The following TNN variants were observed in gnomAD, a reference collection of about 807,000 sequenced individuals.
The protein encoded by TNN is tenascin N.
A neutral mutation model predicts 134.4 loss-of-function variants in TNN; 122 were observed. That is an observed-to-expected ratio of 0.91 (90% CI 0.78 to 1.06). The LOEUF (loss-of-function observed/expected upper bound fraction) is 1.06. Ranked by LOEUF, TNN falls within the 50% of genes least tolerant of loss-of-function variation. The probability of loss-of-function intolerance (pLI) is 0.00; values close to 1 mark genes in which losing one functional copy is unlikely to be tolerated. For missense variants in TNN, 1,739 were observed against 1,699.4 expected, an observed-to-expected ratio of 1.02 and a Z score of -0.41; for synonymous variants, 710 against 670.3, an observed-to-expected ratio of 1.06 and a Z score of -0.91.
At chr1:175,084,408 C>T (rs1211448860) in intron 5 of TNN, among the ~76,000 whole-genome samples, 1 of 152,088 alleles carries the variant, frequency 6.6e-6, no homozygotes, top group Non-Finnish European at 1.5e-5. Context: ...AGGGGTGGCT[C>T]TCTGTCTCTG....
intron 9 of TNN, among the ~76,000 whole-genome samples, chr1:175,102,206 C>T (rs187777206): frequency 2.1e-4 from 30 of 145,980 alleles, no homozygotes; most frequent in African/African-American, 7.4e-4. Context: ...CTCTCCACGT[C>T]CCCACCAGAC....
At chr1:175,102,063 G>A (rs1674737272) in intron 9 of TNN, among the ~76,000 whole-genome samples, 2 of 145,276 alleles carry the variant, frequency 1.4e-5, no homozygotes, top group Admixed American at 1.4e-4. Context: ...CAATCCCTGA[G>A]CTAGACATAA....
chr1:175,098,623 G>A (rs373682344), intron 9 of TNN, 28 bp downstream of exon 9: 68 of 1,613,400 alleles, frequency 4.2e-5, no homozygotes, highest in Middle Eastern at 3.3e-4. Flanking sequence ...TTGCTGTGCC[G>A]ATGCCATGCT....
chr1:175,082,124 A>T (rs1023684539), intron 4 of TNN, among the ~76,000 whole-genome samples: 6 of 152,194 alleles, frequency 3.9e-5, no homozygotes, highest in Non-Finnish European at 8.8e-5. Flanking sequence ...AGCCAGGCCC[A>T]TTCTGGCTGG....
intron 12 of TNN, 83 bp from the exon 13 acceptor site, chr1:175,126,872 G>A (rs1675541607): frequency 6.8e-7 from 1 of 1,471,226 alleles, no homozygotes; most frequent in Non-Finnish European, 9.2e-7. Flanking sequence ...TTTGAAAAGG[G>A]GAAAATATAA....
At position 175,136,849 on chromosome 1, in the gene TNN, C is replaced by T. The variant is rs144928544; in HGVS notation, c.3456C>T (p.Thr1152=). 1,237 of 1,613,926 alleles carry T rather than the reference C, an allele frequency of 7.7e-4. 11 individuals are homozygous for T. In the African/African-American group the frequency reaches 0.013, roughly 17 times the overall value. ...LGLDKLHNLT[T]GTPARYEVRV... is the part of the protein sequence containing the mutation. ...TTGACAAGCTACACAACCTCACCAC[C>T]GGCACTCCAGCGCGGTATGAGGTGA... The change falls in exon 17 of 19, where the codon ACC becomes ACT. Residue 1152 remains threonine (T), a synonymous_variant. Transcript: ENST00000239462.
chr1:175,092,715 C>A (rs1674480957), intron 6 of TNN, among the ~76,000 whole-genome samples: 1 of 152,312 alleles, frequency 6.6e-6, no homozygotes, highest in Middle Eastern at 3.4e-3. Flanking sequence ...TCCTCTTCCT[C>A]TCCCCACTCC....
rs371661500 is a variant in TNN at position 175,128,103 on chromosome 1, C to G, written c.3117C>G (p.Val1039=). The G allele has an allele frequency of 1.2e-5, 19 of 1,613,856 alleles. No homozygotes were observed. Among genetic ancestry groups the G allele is most frequent in the Non-Finnish European group, 1.6e-5 (19 of 1,179,904 alleles). ...QGLEQGATYP[V]SLVAFKGGRR... ...TTGAGCAAGGCGCCACCTACCCTGTCTCCCTTGTTGCCTTTAAGGGTGGTC... is the reference window on the plus strand; with the variant it reads ...TTGAGCAAGGCGCCACCTACCCTGTGTCCCTTGTTGCCTTTAAGGGTGGTC... The change falls in exon 14 of 19, where the codon GTC becomes GTG. Residue 1039 remains valine (V), a synonymous_variant. Coordinates refer to ENST00000239462, the MANE Select transcript of TNN (RefSeq NM_022093.2).
At chr1:175,134,705 G>A (rs1675754563) in intron 15 of TNN, among the ~76,000 whole-genome samples, 1 of 152,050 alleles carries the variant, frequency 6.6e-6, no homozygotes, top group Non-Finnish European at 1.5e-5. Flanking sequence ...TCCTCTTTCA[G>A]TTCCACATTC....
chr1:175,068,231 A>G (rs971246254), intron 1 of TNN, among the ~76,000 whole-genome samples: 3 of 152,010 alleles, frequency 2.0e-5, no homozygotes, highest in African/African-American at 7.3e-5. Context: ...GGCGTAACAC[A>G]TTTTTGTATA....
At chr1:175,077,977 T>G (rs1674090732) in intron 2 of TNN, 150 bp downstream of exon 2, 1 of 783,218 alleles carries the variant, frequency 1.3e-6, no homozygotes, top group African/African-American at 1.7e-5. Context: ...TCCCTGCTAT[T>G]TATTCATTTA....
At position 175,136,941 on chromosome 1, in the gene TNN, G is replaced by A. The variant is rs1407403021; in HGVS notation, c.3548G>A (p.Ser1183Asn). ...AIYDFFQVAS[S>N]KERYKLTVGK... ...TATGATTTCTTCCAAGTGGCCTCCA[G>A]CAAGGAGCGGTATAAGCTGACAGTT... Residue 1183 changes from serine to asparagine, a missense_variant, in exon 17 of 19, where the codon AGC becomes AAC. By Grantham distance (46) the Ser-to-Asn change is conservative. Transcript: ENST00000239462. 1.9e-6 allele frequency: 3 copies of A among 1,614,204 alleles called. No individual in the cohort carries two copies. The highest frequency in any genetic ancestry group is 2.2e-5 in the East Asian group (1 of 44,890).
chr1:175,102,166 T>C (rs1407610852), intron 9 of TNN, among the ~76,000 whole-genome samples: 2 of 145,516 alleles, frequency 1.4e-5, no homozygotes, highest in African/African-American at 4.9e-5. Context: ...CTGATTGGTG[T>C]GTTTACAATC....
rs748454325 is a variant in TNN, at chr1:175,080,183, C to T, written c.805C>T (p.Gln269Ter). Residue 269 changes from glutamine to a stop codon, truncating the protein, a stop_gained, in exon 4 of 19, where the codon CAG becomes TAG. Coordinates refer to ENST00000239462, the MANE Select transcript of TNN (RefSeq NM_022093.2). LOFTEE classifies it high-confidence loss of function. Reference protein sequence around the residue: ...CAQVVTPQGLQLLKNTEDSLL... With the variant: ...CAQVVTPQGL ...TGCAGTGGTCACCCCACAGGGCCTG[C>T]AGCTGCTCAAGAACACGGAGGATTC... 3.0e-5 allele frequency: 48 copies of T among 1,613,974 alleles called. No individual in the cohort carries two copies. Among genetic ancestry groups the T allele is most frequent in the Middle Eastern group, 1.7e-4 (1 of 6,002 alleles).
rs187052362 is a variant in TNN at position 175,125,517 on chromosome 1, T to A, written c.2915-1438T>A. Among the ~76,000 whole-genome samples, 30 of 151,618 alleles carry A rather than the reference T, an allele frequency of 2.0e-4. No individual in the cohort carries two copies. In the East Asian group the frequency reaches 4.5e-3, roughly 23 times the overall value. ...GAAGAAGAGCTCTGCTTTTCCTATA[T>A]CCCTTCTCTTTCCCTCTTCCCTCCC... On this transcript the variant is annotated intron_variant, in intron 12 of 18. Transcript: ENST00000239462.
intron 13 of TNN, 69 bp downstream of exon 13, chr1:175,127,154 CA>C: frequency 6.4e-7 from 1 of 1,563,524 alleles, no homozygotes; most frequent in Non-Finnish European, 8.6e-7. Flanking sequence ...TTGGGCCAAT[CA>C]GCTCATTTGC....
rs190242488 is a variant in TNN, at chr1:175,106,356, A to G, written c.2119+7761A>G. 1.2e-3 allele frequency among the ~76,000 whole-genome samples: 181 copies of G among 145,810 alleles called. 18 individuals are homozygous for G. Among genetic ancestry groups the G allele is most frequent in the Admixed American group, 2.3e-3 (34 of 14,540 alleles). The stretch of plus-strand genomic sequence containing the variant: ...GGATACAATTTCTGAGGCTCCCCAT[A>G]TCCTAGCTTCAGGAATAACTTTTGT... On this transcript the variant is annotated intron_variant, in intron 9 of 18. Coordinates refer to ENST00000239462, the MANE Select transcript of TNN (RefSeq NM_022093.2).
chr1:175,122,429 GC>G (rs1553318162), intron 11 of TNN, among the ~76,000 whole-genome samples: 3 of 152,160 alleles, frequency 2.0e-5, no homozygotes, highest in Non-Finnish European at 4.4e-5. Context: ...GAGAAAGGGA[GC>G]TTTGGGTGCT....
chr1:175,115,734 C>T (rs1358449058), intron 9 of TNN, among the ~76,000 whole-genome samples: 1 of 152,120 alleles, frequency 6.6e-6, no homozygotes, highest in Non-Finnish European at 1.5e-5. Context: ...AGTGTTGGCT[C>T]CATTTCTGAG....
Sources: gnomAD v4.1 joint callset for allele counts (sites outside exome capture counted in the v4.1 genomes callset) on GRCh38, gnomAD v4.1.1 for gene constraint, MANE v1.5 for transcripts, NCBI Gene and HGNC (gene_info 2026-07-23, HGNC 2026-07-21) for gene names.